Variants in PCDHA1 observed in about 807,000 individuals in gnomAD.
The protein encoded by PCDHA1 is protocadherin alpha-1.
Under a neutral mutation model 61.3 loss-of-function variants are expected in PCDHA1, and 42 were observed. The observed-to-expected ratio is 0.69, with a 90% CI of 0.54 to 0.89. The LOEUF (loss-of-function observed/expected upper bound fraction) is 0.89, where lower values mean the gene tolerates loss of function less well. PCDHA1 is among the 40% of genes least tolerant of loss of function. PCDHA1 has a pLI of 0.00. For synonymous variants in PCDHA1, 610 were observed against 553.8 expected, an observed-to-expected ratio of 1.10 and a Z score of -1.43; for missense variants, 1,256 against 1,235.3, an observed-to-expected ratio of 1.02 and a Z score of -0.25.
At chr5:140,857,244 C>G in intron 1 of PCDHA1, 1 of 1,598,592 alleles carries the variant, frequency 6.3e-7, no homozygotes, top group Non-Finnish European at 8.6e-7. Context: ...CTGGTGTCCA[C>G]CTACAAGAAT....
At chr5:140,830,437 G>A (rs2150186472) in intron 1 of PCDHA1, 2 of 1,612,984 alleles carry the variant, frequency 1.2e-6, no homozygotes, top group South Asian at 1.1e-5. Context: ...GTCCTATTAT[G>A]ATGGGTAAGG....
In PCDHA1 at chr5:140,787,858, T is replaced by C. The variant is rs782485388; in HGVS notation, c.1568T>C (p.Leu523Pro). 4 of 1,612,816 alleles carry C rather than the reference T, an allele frequency of 2.5e-6. No individual in the cohort carries two copies. Among genetic ancestry groups the C allele is most frequent in the African/African-American group, 2.7e-5 (2 of 74,896 alleles). Reference protein sequence around the residue: ...ESGKVYALQPLDHEELELLQF... With the variant: ...ESGKVYALQPPDHEELELLQF... ...GGCAAGGTGTACGCACTGCAGCCCC[T>C]GGACCACGAGGAGCTGGAGCTGCTG... The change falls in exon 1 of 4, where the codon CTG becomes CCG. Residue 523 changes from leucine (L) to proline (P), a missense_variant. Transcript: ENST00000504120.
chr5:140,797,442 C>T (rs2149928378), intron 1 of PCDHA1: 2 of 1,368,348 alleles, frequency 1.5e-6, no homozygotes, highest in East Asian at 4.7e-5. Flanking sequence ...ATTCATAGTT[C>T]TTCATTTATT....
intron 1 of PCDHA1, among the ~76,000 whole-genome samples, chr5:140,794,030 A>G (rs1761828675): frequency 6.6e-6 from 1 of 152,240 alleles, no homozygotes; most frequent in Admixed American, 6.5e-5. Context: ...ATCCAAAAGA[A>G]TTGAAAGCAG....
intron 1 of PCDHA1, chr5:140,876,150 C>A (rs782752906): frequency 5.0e-6 from 8 of 1,613,798 alleles, no homozygotes; most frequent in Non-Finnish European, 2.5e-6. Context: ...CAGGGTCTGT[C>A]CAGATTCAAA....
intron 3 of PCDHA1, among the ~76,000 whole-genome samples, chr5:141,006,898 C>A (rs2098293427): frequency 6.6e-6 from 1 of 152,152 alleles, no homozygotes; most frequent in East Asian, 1.9e-4. Context: ...TTTCAGATTT[C>A]TTCAGTTTGG....
intron 1 of PCDHA1, among the ~76,000 whole-genome samples, chr5:140,938,340 T>A (rs1210571018): frequency 6.6e-6 from 1 of 152,224 alleles, no homozygotes; most frequent in Non-Finnish European, 1.5e-5. Flanking sequence ...TAATGGATAA[T>A]CTTGTCTTAT....
intron 1 of PCDHA1, chr5:140,843,920 A>G (rs1365256690): frequency 1.6e-6 from 1 of 607,552 alleles, no homozygotes; most frequent in Non-Finnish European, 2.8e-6. Context: ...GTCTATCTTG[A>G]AACTCAAGTT....
At chr5:140,856,001 C>T (rs782376274) in intron 1 of PCDHA1, 7 of 1,515,190 alleles carry the variant, frequency 4.6e-6, no homozygotes, top group African/African-American at 1.4e-5. Context: ...ATCGTATGTG[C>T]GTTCTAGACC....
At position 140,898,329 on chromosome 5, in the gene PCDHA1, C is replaced by T. The variant is rs13158044; in HGVS notation, c.2395-80620C>T. Among the ~76,000 whole-genome samples the T allele has an allele frequency of 3.9e-5, 6 of 152,232 alleles. No homozygotes were observed. The East Asian group carries it at 7.7e-4, about 20-fold the overall frequency. On this transcript the variant is annotated intron_variant, in intron 1 of 3. Transcript: ENST00000504120. ...AGGGTTTTTATGGTTTTGGGTCTAA[C>T]GTTTAAGTCTTTAATCCATCTTGAA...
intron 1 of PCDHA1, among the ~76,000 whole-genome samples, chr5:140,890,818 A>G (rs1170693390): frequency 1.3e-5 from 2 of 152,204 alleles, no homozygotes; most frequent in African/African-American, 4.8e-5. Flanking sequence ...ATTGTTTTAA[A>G]TGTACTTACA....
chr5:140,808,716 T>A, intron 1 of PCDHA1: 1 of 1,611,966 alleles, frequency 6.2e-7, no homozygotes, highest in East Asian at 2.2e-5. Flanking sequence ...TACGTTTCGG[T>A]GCATGCGGAG....
At chr5:140,968,810 G>C in intron 1 of PCDHA1, 1 of 1,614,186 alleles carries the variant, frequency 6.2e-7, no homozygotes, top group Non-Finnish European at 8.5e-7. Flanking sequence ...AGCTGTGGTG[G>C]ATAGGGTTTC....
intron 1 of PCDHA1, chr5:140,795,983 T>A: frequency 6.2e-7 from 1 of 1,614,136 alleles, no homozygotes; most frequent in Admixed American, 1.7e-5. Context: ...TCATTAAAAC[T>A]TGTGGACATC....
chr5:140,808,796 G>C (rs782615790), intron 1 of PCDHA1: 3 of 1,612,616 alleles, frequency 1.9e-6, no homozygotes, highest in Admixed American at 1.7e-5. Flanking sequence ...TCAGGTGACC[G>C]CTCGCGATGC....
chr5:140,863,639 A>C, intron 1 of PCDHA1: 2 of 305,014 alleles, frequency 6.6e-6, no homozygotes, highest in South Asian at 6.1e-5. Context: ...ATGTTCACCA[A>C]GTTATTAATT....
At chr5:140,836,777 C>T (rs2150269784) in intron 1 of PCDHA1, 2 of 1,480,486 alleles carry the variant, frequency 1.4e-6, no homozygotes, top group Non-Finnish European at 1.8e-6. Context: ...AATTTTAAAA[C>T]AATTAGTTCA....
At chr5:140,972,228 C>G (rs1295473743) in intron 1 of PCDHA1, among the ~76,000 whole-genome samples, 1 of 151,964 alleles carries the variant, frequency 6.6e-6, no homozygotes, top group Admixed American at 6.5e-5. Flanking sequence ...CAGCCTCGAC[C>G]TTCTGGGCTC....
intron 1 of PCDHA1, chr5:140,852,582 A>ATTTT (rs527656692): frequency 1.2e-5 from 8 of 693,586 alleles, no homozygotes; most frequent in Non-Finnish European, 1.4e-5. Flanking sequence ...AGGCTTTTTT[A>ATTTT]TTTTTTTTTT....
Sources: gnomAD v4.1 joint callset for allele counts (sites outside exome capture counted in the v4.1 genomes callset) on GRCh38, gnomAD v4.1.1 for gene constraint, MANE v1.5 for transcripts, NCBI Gene and HGNC (gene_info 2026-07-23, HGNC 2026-07-21) for gene names.